IGFL4: variants seen among roughly 807,000 people sequenced by gnomAD.
The protein encoded by IGFL4 is insulin growth factor-like family member 4.
IGFL4 carries 12 observed loss-of-function variants against 15.4 expected under a neutral mutation model. The observed-to-expected ratio is 0.78, with a 90% CI of 0.50 to 1.26. The LOEUF (loss-of-function observed/expected upper bound fraction) is 1.26, where lower values mean the gene tolerates loss of function less well. Ranked by LOEUF, IGFL4 falls within the 50% of genes most tolerant of loss-of-function variation. The pLI, the probability that IGFL4 is intolerant of heterozygous loss-of-function variation, is 0.00. For missense variants in IGFL4, 126 were observed against 147.8 expected, an observed-to-expected ratio of 0.85 and a Z score of 0.76; for synonymous variants, 54 against 55.9, an observed-to-expected ratio of 0.97 and a Z score of 0.16.
chr19:46,040,879 T>C lies in IGFL4; in HGVS notation c.19+65A>G. 1 of 1,434,838 alleles carries C rather than the reference T, an allele frequency of 7.0e-7. No homozygotes were observed. Among genetic ancestry groups the C allele is most frequent in the Non-Finnish European group, 9.6e-7 (1 of 1,037,866 alleles). 88.9% of individuals were successfully genotyped at this position (1,434,838 alleles called of 1,614,324 possible). On this transcript the variant is annotated intron_variant, in intron 1 of 3. Coordinates refer to ENST00000377697, the MANE Select transcript of IGFL4 (RefSeq NM_001002923.3). The surrounding 1 kb of genome is among the most constrained non-coding windows in gnomAD (Gnocchi z 4.1). ...GGGAAGAGAGAATTAACTTTGAAGT[T>C]CAGAAATAATTAGGGATGTGATATC...
chr19:46,061,543 C>T (rs182112657), intron 1 of IGFL4, among the ~76,000 whole-genome samples: 5 of 152,296 alleles, frequency 3.3e-5, no homozygotes, highest in Admixed American at 3.3e-4. Context: ...GCCAGGAAAG[C>T]ATGCAGTTTC....
chr19:46,075,899 G>A (rs972302407), intron 1 of IGFL4, among the ~76,000 whole-genome samples: 1 of 152,128 alleles, frequency 6.6e-6, no homozygotes, highest in African/African-American at 2.4e-5. Flanking sequence ...AGGAACTCAT[G>A]AGTATTTATT....
At chr19:46,041,075 A>T, upstream of IGFL4, 1 of 973,754 alleles carries the variant, frequency 1.0e-6, no homozygotes, top group Non-Finnish European at 1.5e-6. Flanking sequence ...GGTGTGCAGA[A>T]GGAGTGGTTT....
At chr19:46,061,526 G>C (rs1969444913) in intron 1 of IGFL4, among the ~76,000 whole-genome samples, 1 of 152,192 alleles carries the variant, frequency 6.6e-6, no homozygotes, top group Non-Finnish European at 1.5e-5. Context: ...GCCTTTGGAG[G>C]AACAGGGCCA....
chr19:46,068,562 G>C (rs1969516534), intron 1 of IGFL4, among the ~76,000 whole-genome samples: 1 of 152,104 alleles, frequency 6.6e-6, no homozygotes, highest in Admixed American at 6.5e-5. Flanking sequence ...ATTCATTTTG[G>C]GGATCCCAAA....
chr19:46,065,671 CT>C (rs1267828968), intron 1 of IGFL4, among the ~76,000 whole-genome samples: 1 of 152,206 alleles, frequency 6.6e-6, no homozygotes, highest in Non-Finnish European at 1.5e-5. Context: ...TGCTGAAAGC[CT>C]TTCCAAGAAA....
At chr19:46,076,206 T>A (rs1273349130) in intron 1 of IGFL4, among the ~76,000 whole-genome samples, 1 of 152,214 alleles carries the variant, frequency 6.6e-6, no homozygotes, top group Non-Finnish European at 1.5e-5. Context: ...AATCATCTCC[T>A]ATAAACCTAC....
At chr19:46,044,184 G>A (rs1969275279), upstream of IGFL4, among the ~76,000 whole-genome samples, 1 of 152,130 alleles carries the variant, frequency 6.6e-6, no homozygotes, top group African/African-American at 2.4e-5. Context: ...GCAACCTTAG[G>A]ATCAAGAGAT....
At chr19:46,045,100 C>T (rs1322624442), upstream of IGFL4, among the ~76,000 whole-genome samples, 1 of 152,168 alleles carries the variant, frequency 6.6e-6, no homozygotes. Flanking sequence ...AGCAAGGGCA[C>T]AGAACTGGGC....
At chr19:46,052,867 T>TC (rs1491538571) in intron 2 of IGFL4, among the ~76,000 whole-genome samples, 41 of 13,962 alleles carry the variant, frequency 2.9e-3, no homozygotes, top group Non-Finnish European at 5.7e-3. Flanking sequence ...TGTTATCTCG[T>TC]TTTTTTTTTT....
chr19:46,040,732 G>A lies in IGFL4; in HGVS notation c.20-164C>T, dbSNP rs28475677. The A allele has an allele frequency of 3.8e-3, 3,666 of 958,110 alleles. 100 individuals are homozygous for A. The African/African-American group carries it at 0.053, about 14-fold the overall frequency. 59.4% of individuals were successfully genotyped at this position (958,110 alleles called of 1,614,324 possible). On this transcript the variant is annotated intron_variant, in intron 1 of 3. Transcript: ENST00000377697. The surrounding 1 kb of genome is among the most constrained non-coding windows in gnomAD (Gnocchi z 4.1). ...CTGGGGACTGGGCTTGGCAGGTGAG[G>A]AAAGGCAGGGAGGGCTCTGGGAAAA...
intron 1 of IGFL4, among the ~76,000 whole-genome samples, chr19:46,064,595 G>T (rs551778673): frequency 6.6e-6 from 1 of 152,138 alleles, no homozygotes; most frequent in African/African-American, 2.4e-5. Flanking sequence ...TCTGTGTCTG[G>T]CTTATTTCAC....
At chr19:46,047,836 A>G (rs1199151239) in intron 2 of IGFL4, among the ~76,000 whole-genome samples, 1 of 152,246 alleles carries the variant, frequency 6.6e-6, no homozygotes, top group Non-Finnish European at 1.5e-5. Flanking sequence ...GAATTCTACC[A>G]GAAGTACAAA....
At chr19:46,061,916 C>A (rs1969449023) in intron 1 of IGFL4, among the ~76,000 whole-genome samples, 1 of 152,180 alleles carries the variant, frequency 6.6e-6, no homozygotes, top group South Asian at 2.1e-4. Flanking sequence ...CCAGAGTTCT[C>A]TCATAATGCA....
chr19:46,071,690 T>C (rs1969547589), intron 1 of IGFL4, among the ~76,000 whole-genome samples: 1 of 152,052 alleles, frequency 6.6e-6, no homozygotes, highest in Middle Eastern at 3.2e-3. Flanking sequence ...TAAAAGAAAA[T>C]AACAGCCAAC....
At chr19:46,045,579 A>G (rs1449558010), upstream of IGFL4, among the ~76,000 whole-genome samples, 1 of 152,148 alleles carries the variant, frequency 6.6e-6, no homozygotes, top group Non-Finnish European at 1.5e-5. Flanking sequence ...AGAGAGGAAC[A>G]TAACTGACCC....
upstream of IGFL4, among the ~76,000 whole-genome samples, chr19:46,042,125 A>ACAAG (rs879816355): frequency 0.67 from 101,406 of 151,442 alleles, 34,519 homozygotes; most frequent in East Asian, 0.86. Flanking sequence ...TGTTGTGCTT[A>ACAAG]TTTGCACTCC....
chr19:46,045,887 A>G (rs1445215235), upstream of IGFL4, among the ~76,000 whole-genome samples: 1 of 152,226 alleles, frequency 6.6e-6, no homozygotes, highest in East Asian at 1.9e-4. Flanking sequence ...AAGACAGGCC[A>G]ACATTCAAAT....
chr19:46,045,455 AG>A (rs199537068), upstream of IGFL4, among the ~76,000 whole-genome samples: 1,011 of 148,226 alleles, frequency 6.8e-3, 36 homozygotes, highest in African/African-American at 0.018. Flanking sequence ...AAAAAAAAAA[AG>A]AAAAAGATGG....
Sources: gnomAD v4.1 joint callset for allele counts (sites outside exome capture counted in the v4.1 genomes callset) on GRCh38, gnomAD v4.1.1 for gene constraint, Gnocchi (gnomAD v3.1) non-coding constraint, MANE v1.5 for transcripts, NCBI Gene and HGNC (gene_info 2026-07-23, HGNC 2026-07-21) for gene names.